Variants in CCDC146 observed in about 807,000 individuals in gnomAD.
The protein encoded by CCDC146 is coiled-coil domain containing 146, also known as coiled-coil domain-containing protein 146.
CCDC146 carries 92 observed loss-of-function variants against 119.3 expected under a neutral mutation model. That is an observed-to-expected ratio of 0.77 (90% CI 0.65 to 0.92). The LOEUF is 0.92. Ranked by LOEUF, CCDC146 falls within the 40% of genes least tolerant of loss-of-function variation. The pLI is 0.00. For missense variants in CCDC146, 1,000 were observed against 1,103.0 expected, an observed-to-expected ratio of 0.91 and a Z score of 1.32; for synonymous variants, 372 against 371.8, an observed-to-expected ratio of 1.00 and a Z score of -0.01.
At chr7:77,242,064 C>G (rs1792860147) in intron 4 of CCDC146, among the ~76,000 whole-genome samples, 164 bp downstream of exon 4, 1 of 152,194 alleles carries the variant, frequency 6.6e-6, no homozygotes, top group South Asian at 2.1e-4. Flanking sequence ...ATTCCCTGAA[C>G]AAGAAAGTTA....
chr7:77,254,482 A>C (rs1007485424), intron 4 of CCDC146, 24 bp from the exon 5 acceptor site: 1 of 1,318,536 alleles, frequency 7.6e-7, no homozygotes, highest in Non-Finnish European at 1.1e-6. Flanking sequence ...GTACTTTTTC[A>C]AACTTGATTT....
chr7:77,214,708 C>CT (rs1301671907), intron 2 of CCDC146, among the ~76,000 whole-genome samples: 2 of 151,978 alleles, frequency 1.3e-5, no homozygotes, highest in Non-Finnish European at 1.5e-5. Flanking sequence ...CCAATTGTTT[C>CT]TTTTTGTCAG....
chr7:77,127,324 A>G (rs916019797), intron 1 of CCDC146, among the ~76,000 whole-genome samples: 2 of 152,092 alleles, frequency 1.3e-5, no homozygotes, highest in African/African-American at 2.4e-5. Flanking sequence ...AGGGAGGCTC[A>G]GATCTACAGC....
At chr7:77,204,847 G>A (rs941425088) in intron 2 of CCDC146, among the ~76,000 whole-genome samples, 26 of 152,092 alleles carry the variant, frequency 1.7e-4, no homozygotes, top group Admixed American at 1.5e-3. Context: ...AGCCAGGTGC[G>A]GTAGCTCACA....
intron 2 of CCDC146, chr7:77,198,406 G>A (rs1791916208): frequency 1.4e-6 from 1 of 694,386 alleles, no homozygotes; most frequent in African/African-American, 1.9e-5. Flanking sequence ...AAAAGCCAAG[G>A]TTTGGAGAGT....
chr7:77,255,818 G>A (rs1477931638), intron 5 of CCDC146, among the ~76,000 whole-genome samples: 1 of 152,184 alleles, frequency 6.6e-6, no homozygotes, highest in Non-Finnish European at 1.5e-5. Flanking sequence ...GCATGAGCTA[G>A]AGAAGTAATA....
At chr7:77,173,228 T>G (rs1791450293) in intron 2 of CCDC146, among the ~76,000 whole-genome samples, 1 of 151,742 alleles carries the variant, frequency 6.6e-6, no homozygotes, top group Admixed American at 6.6e-5. Context: ...AAAAGAAAAT[T>G]TAGAGTTCCC....
intron 2 of CCDC146, chr7:77,194,562 A>G (rs1038951415): frequency 6.6e-6 from 1 of 152,094 alleles, no homozygotes; most frequent in African/African-American, 2.4e-5. Flanking sequence ...TTTTGACTAA[A>G]TAGTTCTGTA....
chr7:77,198,254 T>C (rs1791913607), intron 2 of CCDC146: 1 of 985,440 alleles, frequency 1.0e-6, no homozygotes, highest in African/African-American at 1.7e-5. Flanking sequence ...GGATGGAGCA[T>C]GCCTGAGATA....
chr7:77,264,968 A>G (rs1793373331), intron 9 of CCDC146, among the ~76,000 whole-genome samples: 1 of 152,232 alleles, frequency 6.6e-6, no homozygotes, highest in South Asian at 2.1e-4. Context: ...AGACAGTGCT[A>G]ATACCTTTGA....
chr7:77,244,779 C>T (rs1792916668), intron 4 of CCDC146, among the ~76,000 whole-genome samples: 1 of 134,104 alleles, frequency 7.5e-6, no homozygotes, highest in African/African-American at 2.9e-5. Context: ...GAAACCAATT[C>T]CCTCCACACC....
intron 4 of CCDC146, among the ~76,000 whole-genome samples, chr7:77,249,220 T>C (rs1481525096): frequency 6.6e-6 from 1 of 152,116 alleles, no homozygotes; most frequent in East Asian, 1.9e-4. Flanking sequence ...GGCCGGGCGC[T>C]GTGGCTGTCA....
intron 1 of CCDC146, among the ~76,000 whole-genome samples, chr7:77,125,819 TTAA>T (rs1487435421): frequency 6.6e-6 from 1 of 152,102 alleles, no homozygotes; most frequent in African/African-American, 2.4e-5. Flanking sequence ...TTATGAAATA[TTAA>T]TAAACTCAAC....
At chr7:77,166,106 G>T (rs551634063) in intron 1 of CCDC146, among the ~76,000 whole-genome samples, 5 of 152,166 alleles carry the variant, frequency 3.3e-5, no homozygotes, top group Non-Finnish European at 5.9e-5. Context: ...CAAGTGTTCT[G>T]GTGTATATAC....
chr7:77,207,982 G>T (rs1011341137), intron 2 of CCDC146, among the ~76,000 whole-genome samples: 2 of 152,120 alleles, frequency 1.3e-5, no homozygotes, highest in Non-Finnish European at 2.9e-5. Flanking sequence ...CTGTATACTA[G>T]CCCTGGGAAT....
chr7:77,174,424 A>G (rs549235411), intron 2 of CCDC146, among the ~76,000 whole-genome samples: 5 of 152,226 alleles, frequency 3.3e-5, no homozygotes, highest in Non-Finnish European at 5.9e-5. Context: ...CCCCATAGGC[A>G]GTGTACACGG....
chr7:77,193,665 A>T (rs1791811156), intron 2 of CCDC146: 1 of 152,140 alleles, frequency 6.6e-6, no homozygotes, highest in Non-Finnish European at 1.5e-5. Flanking sequence ...CATTTGGAGC[A>T]TTACTATTAT....
At chr7:77,270,747 A>G (rs1793494705) in intron 9 of CCDC146, among the ~76,000 whole-genome samples, 1 of 152,220 alleles carries the variant, frequency 6.6e-6, no homozygotes, top group African/African-American at 2.4e-5. Context: ...GTTATTTCAC[A>G]TAATGAAAAG....
chr7:77,213,952 A>G (rs1164239958), intron 2 of CCDC146, among the ~76,000 whole-genome samples: 1 of 152,176 alleles, frequency 6.6e-6, no homozygotes, highest in Admixed American at 6.5e-5. Flanking sequence ...TCTTTTTGAT[A>G]GAATGATTTC....
Sources: allele counts gnomAD v4.1 joint callset (sites outside exome capture counted in the v4.1 genomes callset), GRCh38; gene constraint gnomAD v4.1.1; transcripts MANE v1.5; gene names NCBI Gene and HGNC (gene_info 2026-07-23, HGNC 2026-07-21).